FBXO47: variants seen among roughly 807,000 people sequenced by gnomAD.
FBXO47 encodes the protein F-box protein 47, also known as F-box only protein 47.
FBXO47 carries 34 observed loss-of-function variants against 53.9 expected under a neutral mutation model. The observed-to-expected ratio is 0.63, with a 90% CI of 0.48 to 0.84. The LOEUF (loss-of-function observed/expected upper bound fraction) is 0.84, where lower values mean the gene tolerates loss of function less well. Among genes scored for constraint, FBXO47 ranks in the 40% least tolerant of loss-of-function variants. The pLI is 0.00. For missense variants in FBXO47, 485 were observed against 541.3 expected, an observed-to-expected ratio of 0.90 and a Z score of 1.03; for synonymous variants, 165 against 181.6, an observed-to-expected ratio of 0.91 and a Z score of 0.73.
intron 6 of FBXO47, among the ~76,000 whole-genome samples, chr17:38,951,230 C>G (rs1567719131): frequency 6.6e-6 from 1 of 151,648 alleles, no homozygotes; most frequent in Non-Finnish European, 1.5e-5. Context: ...GGGTCACACT[C>G]TGTTGCTCAG....
At chr17:38,944,097 G>A (rs899478265) in intron 7 of FBXO47, among the ~76,000 whole-genome samples, 4 of 151,812 alleles carry the variant, frequency 2.6e-5, no homozygotes, top group South Asian at 2.1e-4. Flanking sequence ...CACGAGAATC[G>A]CTTGAACCTG....
At chr17:38,946,299 TATATATAAATATATAAATATATATAA>T (rs1567716490) in intron 6 of FBXO47, among the ~76,000 whole-genome samples, 7 of 50,128 alleles carry the variant, frequency 1.4e-4, no homozygotes, top group South Asian at 1.8e-3. Flanking sequence ...TATATAAAAA[TATATATAAATATATAAATATATATAA>T]ATATATAAAT....
At chr17:38,958,535 G>A (rs912479362) in intron 3 of FBXO47, among the ~76,000 whole-genome samples, 3 of 151,162 alleles carry the variant, frequency 2.0e-5, no homozygotes, top group Middle Eastern at 3.2e-3. Flanking sequence ...GTGACAGGAA[G>A]TGTATGATTT....
chr17:38,963,666 G>A (rs573217181), intron 1 of FBXO47, among the ~76,000 whole-genome samples: 25 of 152,018 alleles, frequency 1.6e-4, no homozygotes, highest in Admixed American at 5.9e-4. Context: ...GGTGGCTCAC[G>A]CCTGTAATCC....
chr17:38,938,819 G>T (rs1028080302), intron 9 of FBXO47, 87 bp from the exon 10 acceptor site: 11 of 1,110,872 alleles, frequency 9.9e-6, no homozygotes, highest in Non-Finnish European at 3.8e-6. Context: ...AATAATTATA[G>T]TTTGTGATTT....
chr17:38,950,462 ATTTTTT>A (rs71352328), intron 6 of FBXO47, among the ~76,000 whole-genome samples: 1,883 of 128,532 alleles, frequency 0.015, 32 homozygotes, highest in African/African-American at 0.047. Flanking sequence ...TGCCCGCCTA[ATTTTTT>A]TTTTTTTTTT....
At position 38,937,622 on chromosome 17, in the gene FBXO47, T is replaced by G. The variant is rs59450183; in HGVS notation, c.1244-332A>C. 7.4e-3 allele frequency among the ~76,000 whole-genome samples: 1,127 copies of G among 152,116 alleles called. 19 individuals are homozygous for G. The highest frequency in any genetic ancestry group is 0.026 in the African/African-American group (1,089 of 41,506). ...TCCACCCGCCTTATACGTATATAAT[T>G]TATTTGAAACATAAGATGTTCTAAT... On this transcript the variant is annotated intron_variant, in intron 10 of 10. Transcript: ENST00000378079.
Position 38,962,957 on chromosome 17 carries a change from T to A in FBXO47, c.69A>T (p.Gln23His), listed in dbSNP as rs139726090. The A allele has an allele frequency of 1.1e-3, 1,802 of 1,613,464 alleles. 2 individuals are homozygous for A. Among genetic ancestry groups the A allele is most frequent in the Non-Finnish European group, 1.4e-3 (1,610 of 1,179,466 alleles). The change falls in exon 2 of 11, where the codon CAA becomes CAT. Residue 23 changes from glutamine to histidine, a missense_variant. By Grantham distance (24) the Gln-to-His change is conservative. Transcript: ENST00000378079. Reference sequence around the variant, plus strand: ...CAAGGGTCTTGGAATAACAGCTGGTTTGACGATTACTACGTCTAAGTTTCT... The same window carrying A: ...CAAGGGTCTTGGAATAACAGCTGGTATGACGATTACTACGTCTAAGTTTCT... The part of the protein sequence containing the change: ...PNQKLRRSNR[Q>H]TSCYSKTLGS...
intron 6 of FBXO47, among the ~76,000 whole-genome samples, chr17:38,946,353 TATATATAAATATATAG>T (rs1439289377): frequency 5.1e-4 from 44 of 85,952 alleles, no homozygotes; most frequent in African/African-American, 2.3e-4. Context: ...AATATATAAA[TATATATAAATATATAG>T]ATATATATAT....
intron 6 of FBXO47, among the ~76,000 whole-genome samples, chr17:38,946,341 TAA>T (rs1170992967): frequency 2.2e-5 from 2 of 89,328 alleles, no homozygotes; most frequent in South Asian, 3.7e-4. Context: ...TAAATATATA[TAA>T]ATATATAAAT....
At chr17:38,941,620 T>A (rs1199604790) in intron 9 of FBXO47, among the ~76,000 whole-genome samples, 34 of 115,184 alleles carry the variant, frequency 3.0e-4, no homozygotes, top group Admixed American at 1.1e-3. Context: ...AAATATAATA[T>A]TATATATATA....
At chr17:38,951,530 AT>A (rs1299171523) in intron 6 of FBXO47, 50 bp downstream of exon 6, 1 of 1,342,402 alleles carries the variant, frequency 7.4e-7, no homozygotes, top group Non-Finnish European at 1.0e-6. Flanking sequence ...AACTCTGTTT[AT>A]TTTTTCTATT....
Position 38,959,624 on chromosome 17 carries a change from T to TTGTGTGTGTG in FBXO47, c.352+2243_352+2252dup, listed in dbSNP as rs34354922. ...AAAAAGAAAATTATTCTTCAAAGCA[T>TTGTGTGTGTG]TGTGTGTGTGTGTGTGTGTGTGTGT... On this transcript the variant is annotated intron_variant, in intron 3 of 10. Transcript: ENST00000378079. 1.8e-3 allele frequency among the ~76,000 whole-genome samples: 224 copies of TTGTGTGTGTG among 126,246 alleles called. 1 individual carries two copies. The highest frequency in any genetic ancestry group is 7.6e-3 in the Middle Eastern group (2 of 262). The allele number at this position is 126,246 out of a possible 152,430, so 82.8% of individuals were successfully genotyped here.
intron 3 of FBXO47, 97 bp from the exon 4 acceptor site, chr17:38,957,350 T>C (rs1273673652): frequency 1.2e-6 from 1 of 801,800 alleles, no homozygotes; most frequent in East Asian, 2.5e-5. Context: ...AAGTATGGTA[T>C]ATCACAGTGG....
At chr17:38,960,251 T>C (rs186834089) in intron 3 of FBXO47, among the ~76,000 whole-genome samples, 88 of 151,494 alleles carry the variant, frequency 5.8e-4, no homozygotes, top group African/African-American at 2.0e-3. Context: ...TGGGCAACAC[T>C]GCAAGATCCC....
In FBXO47 at chr17:38,942,889, A is replaced by G. The variant is rs1311155696; in HGVS notation, c.972T>C (p.Asn324=). Residue 324 remains asparagine, a synonymous_variant, in exon 9 of 11, where the codon AAT becomes AAC. Coordinates refer to ENST00000378079, the MANE Select transcript of FBXO47 (RefSeq NM_001008777.3). ...TTCCACTTAGCATTAGGAGACGTGC[A>G]TTATTCTCTAGAAGCCACTCACGGG... is the stretch of plus-strand genomic sequence containing the variant. ...VVPREWLLEN[N]ARLLMLSGNN... is the part of the protein sequence containing the mutation. The G allele has an allele frequency of 6.2e-7, 1 of 1,611,174 alleles. No homozygotes were observed. The highest frequency in any genetic ancestry group is 8.5e-7 in the Non-Finnish European group (1 of 1,179,178).
In FBXO47 at chr17:38,938,276, T is replaced by C. The variant is rs74601675; in HGVS notation, c.1243+297A>G. On this transcript the variant is annotated intron_variant, in intron 10 of 10. Coordinates refer to ENST00000378079, the MANE Select transcript of FBXO47 (RefSeq NM_001008777.3). ...AAGTGAGCAAGTTAAATTTTTTTGC[T>C]GTGCAAAATTGAAAGTGGTTCCTTT... Among the ~76,000 whole-genome samples the C allele has an allele frequency of 4.7e-3, 710 of 152,314 alleles. 34 individuals are homozygous for C. The East Asian group carries it at 0.097, about 21-fold the overall frequency.
chr17:38,951,098 C>T lies in FBXO47; in HGVS notation c.616+483G>A, dbSNP rs146555805. On this transcript the variant is annotated intron_variant, in intron 6 of 10. Transcript: ENST00000378079. Reference sequence around the variant, plus strand: ...TGTAGAGACATGGTCTGTTACATTGCCCAGGCTGGTCTTGAACTCCTGGCC... The same window carrying T: ...TGTAGAGACATGGTCTGTTACATTGTCCAGGCTGGTCTTGAACTCCTGGCC... Among the ~76,000 whole-genome samples the T allele has an allele frequency of 1.0e-3, 155 of 152,022 alleles. 1 individual carries two copies. Among genetic ancestry groups the T allele is most frequent in the Non-Finnish European group, 4.0e-4 (27 of 67,946 alleles).
chr17:38,939,293 CAAAAAAAAAAAAAAA>C (rs1218321299), intron 9 of FBXO47, among the ~76,000 whole-genome samples: 1 of 34,862 alleles, frequency 2.9e-5, no homozygotes, highest in Non-Finnish European at 4.4e-5. Flanking sequence ...ACTCCATCTC[CAAAAAAAAAAAAAAA>C]AAAAAAAAAA....
Sources: gnomAD v4.1 joint callset for allele counts (sites outside exome capture counted in the v4.1 genomes callset) on GRCh38, gnomAD v4.1.1 for gene constraint, MANE v1.5 for transcripts, NCBI Gene and HGNC (gene_info 2026-07-23, HGNC 2026-07-21) for gene names.